PEG3: variants seen among roughly 807,000 people sequenced by gnomAD.
PEG3 encodes paternally-expressed gene 3 protein.
In PEG3, 23 loss-of-function variants were observed where a neutral mutation model predicts 35.5. The ratio of observed to expected loss-of-function variants is 0.65; its 90% CI spans 0.47 to 0.92. PEG3 has a LOEUF of 0.92. Among genes scored for constraint, PEG3 ranks in the 40% least tolerant of loss-of-function variants. The pLI, the probability that PEG3 is intolerant of heterozygous loss-of-function variation, is 0.00. For synonymous variants in PEG3, 707 were observed against 697.0 expected, an observed-to-expected ratio of 1.01 and a Z score of -0.23; for missense variants, 1,960 against 1,985.3, an observed-to-expected ratio of 0.99 and a Z score of 0.24.
In PEG3 at chr19:56,810,213, G is replaced by A. The variant is rs1402062180; in HGVS notation, c.*3462C>T. On this transcript the variant is annotated 3_prime_UTR_variant, in exon 10 of 10. Coordinates refer to ENST00000326441, the MANE Select transcript of PEG3 (RefSeq NM_006210.3). ...ATCAAGATGTTAACCACACTCTTTG[G>A]ATGGTGAAAACATGGGTGAGTTTCT... 2 of 982,252 alleles carry A rather than the reference G, an allele frequency of 2.0e-6. No individual in the cohort carries two copies. The highest frequency in any genetic ancestry group is 3.5e-5 in the African/African-American group (2 of 57,164). The allele number at this position is 982,252 out of a possible 1,614,324, so 60.8% of individuals were successfully genotyped here. A position where few individuals can be genotyped will look rare whatever the true frequency, so the allele number is the denominator to read the frequency against.
Position 56,812,042 on chromosome 19 carries a change from T to G in PEG3, c.*1633A>C. 4 of 984,180 alleles carry G rather than the reference T, an allele frequency of 4.1e-6. No individual in the cohort carries two copies. Among genetic ancestry groups the G allele is most frequent in the Non-Finnish European group, 4.8e-6 (4 of 828,804 alleles). 61.0% of individuals were successfully genotyped at this position (984,180 alleles called of 1,614,324 possible). On this transcript the variant is annotated 3_prime_UTR_variant, in exon 10 of 10. Coordinates refer to ENST00000326441, the MANE Select transcript of PEG3 (RefSeq NM_006210.3). ...TCCTGCAGATCCAGAAGAGTAAGAT[T>G]CAGACACATTTCCCCCAGTGGGTAC...
chr19:56,810,752 G>A lies in PEG3; in HGVS notation c.*2923C>T. The A allele has an allele frequency of 1.0e-6, 1 of 983,928 alleles. No individual in the cohort carries two copies. The highest frequency in any genetic ancestry group is 1.2e-6 in the Non-Finnish European group (1 of 828,634). 60.9% of individuals were successfully genotyped at this position (983,928 alleles called of 1,614,324 possible). The stretch of plus-strand genomic sequence containing the variant: ...TATTTAACACTGTTATCACAAGCGT[G>A]TGCACTGAAACAAGATAGAGGAAAC... On this transcript the variant is annotated 3_prime_UTR_variant, in exon 10 of 10. Transcript: ENST00000326441.
chr19:56,827,164 A>C (rs2061119870), intron 2 of PEG3, among the ~76,000 whole-genome samples: 1 of 152,208 alleles, frequency 6.6e-6, no homozygotes, highest in Non-Finnish European at 1.5e-5. Flanking sequence ...AGAGCACAGA[A>C]AAGAGATGGA....
chr19:56,822,898 T>G, intron 5 of PEG3, 62 bp from the exon 6 acceptor site: 5 of 1,569,458 alleles, frequency 3.2e-6, no homozygotes, highest in Non-Finnish European at 4.3e-6. Flanking sequence ...TTTCCCTGCA[T>G]GTGCACAAAC....
rs374617082 is a variant in PEG3, at chr19:56,815,004, G to A, written c.3438C>T (p.His1146=). 4 of 1,614,078 alleles carry A rather than the reference G, an allele frequency of 2.5e-6. No individual in the cohort carries two copies. Among genetic ancestry groups the A allele is most frequent in the Non-Finnish European group, 3.4e-6 (4 of 1,180,046 alleles). Residue 1146 remains histidine, a synonymous_variant, in exon 10 of 10, where the codon CAC becomes CAT. Coordinates refer to ENST00000326441, the MANE Select transcript of PEG3 (RefSeq NM_006210.3). The stretch of plus-strand genomic sequence containing the variant: ...TCTGATACTCGCTGATGGAATGGGT[G>A]TGAATTACAGAATGTGTGTACTCCC... ...DSREYTHSVI[H]THSISEYQRD...
In PEG3 at chr19:56,815,986, C is replaced by G. The variant is rs534325340; in HGVS notation, c.2456G>C (p.Arg819Pro). 1.3e-6 allele frequency: 2 copies of G among 1,584,310 alleles called. No homozygotes were observed. The highest frequency in any genetic ancestry group is 1.7e-6 in the Non-Finnish European group (2 of 1,166,280). The change falls in exon 10 of 10, where the codon CGT (arginine) becomes CCT (proline). Residue 819 changes from arginine to proline, a missense_variant. Physicochemically the swap from Arg to Pro is moderately radical, Grantham distance 103 (BLOSUM62 -2). Transcript: ENST00000326441. Reference protein sequence around the residue: ...SFDAINHQRVRAGGNTSEGRE... With the variant: ...SFDAINHQRVPAGGNTSEGRE... ...TCCTTCAGAGGTGTTCCCTCCAGCA[C>G]GAACTCTCTGATGGTTGATAGCATC... is the stretch of plus-strand genomic sequence containing the variant.
Position 56,813,875 on chromosome 19 carries a change from G to A in PEG3, c.4567C>T (p.His1523Tyr). Residue 1523 changes from histidine to tyrosine, a missense_variant, in exon 10 of 10, where the codon CAC (histidine) becomes TAC (tyrosine). Coordinates refer to ENST00000326441, the MANE Select transcript of PEG3 (RefSeq NM_006210.3). ...TFTSSTAFSE[H>Y]LKTHASMIIF... ...ATCATGCTGGCATGAGTTTTCAGGT[G>A]TTCACTGAATGCTGTGCTGGAAGTG... is the stretch of plus-strand genomic sequence containing the variant. 1 of 1,614,176 alleles carries A rather than the reference G, an allele frequency of 6.2e-7. No homozygotes were observed. The highest frequency in any genetic ancestry group is 1.7e-5 in the Admixed American group (1 of 60,026).
rs1426467016 is a variant in PEG3, at chr19:56,816,906, C to T, written c.1536G>A (p.Glu512=). 6.2e-7 allele frequency: 1 copy of T among 1,614,216 alleles called. No individual in the cohort carries two copies. Among genetic ancestry groups the T allele is most frequent in the Non-Finnish European group, 8.5e-7 (1 of 1,180,026 alleles). The change falls in exon 10 of 10, where the codon GAG becomes GAA. Residue 512 remains glutamate (E), a synonymous_variant. Coordinates refer to ENST00000326441, the MANE Select transcript of PEG3 (RefSeq NM_006210.3). The stretch of plus-strand genomic sequence containing the variant: ...CCAAGGCGGCACTCTTATTGAAGGT[C>T]TCTCCACAGTCCTTACATTCAAAAC... The part of the protein sequence containing the change: ...GKRFECKDCG[E]TFNKSAALAE...
At chr19:56,838,340 G>C (rs2062443080) in intron 1 of PEG3, among the ~76,000 whole-genome samples, 1 of 152,212 alleles carries the variant, frequency 6.6e-6, no homozygotes, top group Non-Finnish European at 1.5e-5. Flanking sequence ...GATGGCGCCT[G>C]CGCAATCAAC....
Position 56,825,307 on chromosome 19 carries a change from C to T in PEG3, c.-86-566G>A, listed in dbSNP as rs1466215671. Among the ~76,000 whole-genome samples the T allele has an allele frequency of 3.3e-5, 5 of 152,218 alleles. No homozygotes were observed. The East Asian group carries it at 9.6e-4, about 29-fold the overall frequency. ...ATTCAAAAATATTAAAAGTACTCAA[C>T]TCTAGGTAATATGACATTATTCCCT... On this transcript the variant is annotated intron_variant, in intron 3 of 9. Coordinates refer to ENST00000326441, the MANE Select transcript of PEG3 (RefSeq NM_006210.3).
At position 56,815,497 on chromosome 19, in the gene PEG3, G is replaced by C; in HGVS notation, c.2945C>G (p.Ser982Cys). Residue 982 changes from serine to cysteine, a missense_variant, in exon 10 of 10, where the codon TCT becomes TGT. Around this residue, in one of 5 missense-constraint regions of PEG3, gnomAD observed 798 missense variants for 782.4 expected, o/e 1.02. Transcript: ENST00000326441. ...AATCTTCTGGTGCTCAGTGAGGTCAGAGCTATGAGCAAAGCACTCCCCACA... is the reference window on the plus strand; with the variant it reads ...AATCTTCTGGTGCTCAGTGAGGTCACAGCTATGAGCAAAGCACTCCCCACA... ...QECGECFAHS[S>C]DLTEHQKIHD... The C allele has an allele frequency of 6.2e-7, 1 of 1,614,158 alleles. No homozygotes were observed. Among genetic ancestry groups the C allele is most frequent in the Non-Finnish European group, 8.5e-7 (1 of 1,180,016 alleles).
Position 56,833,369 on chromosome 19 carries a change from G to A in PEG3, c.-163+2649C>T, listed in dbSNP as rs139341547. On this transcript the variant is annotated intron_variant, in intron 2 of 9. Transcript: ENST00000326441. ...ACTCTCTTCGTCTCCCAGGGACAGC[G>A]TGGTGTGTGGTCTCGTCTCTCTTCT... is the stretch of plus-strand genomic sequence containing the variant. The A allele has an allele frequency of 4.5e-4, 162 of 356,858 alleles. 1 individual carries two copies. Among genetic ancestry groups the A allele is most frequent in the South Asian group, 1.6e-3 (75 of 47,414 alleles). 22.1% of individuals were successfully genotyped at this position (356,858 alleles called of 1,614,324 possible).
At chr19:56,821,129 T>A (rs1187139109) in intron 7 of PEG3, among the ~76,000 whole-genome samples, 5 of 152,210 alleles carry the variant, frequency 3.3e-5, no homozygotes, top group Admixed American at 3.3e-4. Flanking sequence ...TGTGTGTGAG[T>A]GACTTTTCAC....
intron 5 of PEG3, 49 bp from the exon 6 acceptor site, chr19:56,822,885 T>A (rs1172444194): frequency 6.3e-7 from 1 of 1,585,328 alleles, no homozygotes. Context: ...TTGACACACC[T>A]GTTTTCCCTG....
chr19:56,814,377 C>T lies in PEG3; in HGVS notation c.4065G>A (p.Leu1355=). The part of the protein sequence containing the change: ...TVLTKHKELH[L]EEEEEDEAAA... ...CTGCTTCATCTTCTTCTTCTTCTTC[C>T]AGATGAAGCTCCTTATGTTTAGTGA... Residue 1355 remains leucine, a synonymous_variant, in exon 10 of 10, where the codon CTG becomes CTA. Coordinates refer to ENST00000326441, the MANE Select transcript of PEG3 (RefSeq NM_006210.3). The surrounding 1 kb of genome is among the most constrained non-coding windows in gnomAD (Gnocchi z 5.8). 1 of 1,609,598 alleles carries T rather than the reference C, an allele frequency of 6.2e-7. No individual in the cohort carries two copies. Among genetic ancestry groups the T allele is most frequent in the Non-Finnish European group, 8.5e-7 (1 of 1,175,910 alleles).
rs147031911 is a variant in PEG3 at position 56,817,815 on chromosome 19, C to T, written c.793G>A (p.Gly265Ser). The T allele has an allele frequency of 1.9e-6, 3 of 1,613,932 alleles. No individual in the cohort carries two copies. Among genetic ancestry groups the T allele is most frequent in the African/African-American group, 1.3e-5 (1 of 74,888 alleles). The change falls in exon 9 of 10, where the codon GGC becomes AGC. Residue 265 changes from glycine (G) to serine (S), a missense_variant. Physicochemically the swap from Gly to Ser is moderately conservative, Grantham distance 56. Coordinates refer to ENST00000326441, the MANE Select transcript of PEG3 (RefSeq NM_006210.3). ...TGGCCCTGCGTCATGTGGGAGTGGC[C>T]ATCGTCTTCAGCAAGCTGCACTCCT... is the stretch of plus-strand genomic sequence containing the variant. ...LSLVQLAEDD[G>S]HSHMTQGHSS...
At chr19:56,832,024 C>T (rs2061613884) in intron 2 of PEG3, among the ~76,000 whole-genome samples, 1 of 152,068 alleles carries the variant, frequency 6.6e-6, no homozygotes, top group African/African-American at 2.4e-5. Flanking sequence ...TACATACAAA[C>T]TAAACTGGAA....
intron 1 of PEG3, among the ~76,000 whole-genome samples, chr19:56,837,541 G>A (rs2062300732): frequency 1.3e-5 from 2 of 152,182 alleles, no homozygotes; most frequent in Admixed American, 6.5e-5. Context: ...AGCTGAACCC[G>A]CCCGCTTCCC....
At chr19:56,836,716 C>T (rs1644373019) in intron 1 of PEG3, among the ~76,000 whole-genome samples, 2 of 152,176 alleles carry the variant, frequency 1.3e-5, no homozygotes, top group African/African-American at 4.8e-5. Flanking sequence ...CGCCTGTAAT[C>T]CCAGCACTTT....
Sources: gnomAD v4.1 joint callset for allele counts (sites outside exome capture counted in the v4.1 genomes callset) on GRCh38, gnomAD v4.1.1 for gene constraint, gnomAD v4.1.1 regional missense constraint, Gnocchi (gnomAD v3.1) non-coding constraint, MANE v1.5 for transcripts, NCBI Gene and HGNC (gene_info 2026-07-23, HGNC 2026-07-21) for gene names.